Variants in NRXN1 observed in about 807,000 individuals in gnomAD.
NRXN1 encodes neurexin 1.
NRXN1 carries 39 observed loss-of-function variants against 150.9 expected under a neutral mutation model. That is an observed-to-expected ratio of 0.26 (90% CI 0.20 to 0.34). The LOEUF (loss-of-function observed/expected upper bound fraction) is 0.34. NRXN1 is among the 10% of genes least tolerant of loss of function. The pLI, the probability that NRXN1 is intolerant of heterozygous loss-of-function variation, is 1.00. For missense variants in NRXN1, 1,815 were observed against 1,949.9 expected (o/e 0.93, Z 1.30); for synonymous variants, 924 against 757.0 (o/e 1.22, Z -3.62).
intron 8 of NRXN1, among the ~76,000 whole-genome samples, chr2:50,586,168 T>G (rs2103726698): frequency 6.6e-6 from 1 of 152,262 alleles, no homozygotes; most frequent in South Asian, 2.1e-4. Context: ...CCCTCCAGGG[T>G]GTTTGCACTT....
chr2:50,118,773 T>G (rs1017140225), intron 18 of NRXN1, among the ~76,000 whole-genome samples: 2 of 152,192 alleles, frequency 1.3e-5, no homozygotes, highest in Admixed American at 1.3e-4. Flanking sequence ...CAGATTTAGC[T>G]GCCATCAGCT....
Position 50,346,409 on chromosome 2 carries a change from C to T in NRXN1, c.3365-109439G>A, listed in dbSNP as rs550986297. 6.6e-6 allele frequency among the ~76,000 whole-genome samples: 1 copy of T among 152,250 alleles called. No homozygotes were observed. The highest frequency in any genetic ancestry group is 2.1e-4 in the South Asian group (1 of 4,816). On this transcript the variant is annotated intron_variant, in intron 17 of 22. Transcript: ENST00000401669. The surrounding 1 kb of genome is among the most constrained non-coding windows in gnomAD (Gnocchi z 5.0). Reference sequence around the variant, plus strand: ...ACGCCCCCTTCCCGCGGGGCCCAGCCGCGCGACCAGGGCTGGTCCTTTAGT... The same window carrying T: ...ACGCCCCCTTCCCGCGGGGCCCAGCTGCGCGACCAGGGCTGGTCCTTTAGT...
intron 10 of NRXN1, among the ~76,000 whole-genome samples, chr2:50,532,719 T>C (rs1356463037): frequency 1.3e-5 from 2 of 151,906 alleles, no homozygotes; most frequent in Non-Finnish European, 2.9e-5. Context: ...ATGGCATCAG[T>C]AGGGAAGTTG....
intron 21 of NRXN1, among the ~76,000 whole-genome samples, chr2:49,995,637 C>T (rs955933323): frequency 4.0e-5 from 6 of 151,356 alleles, no homozygotes; most frequent in Admixed American, 6.6e-5. Context: ...AAAAATGAGC[C>T]GGGCGTGGTG....
chr2:49,984,720 C>CACACACAA (rs1680607943), intron 21 of NRXN1, among the ~76,000 whole-genome samples: 1 of 139,500 alleles, frequency 7.2e-6, no homozygotes, highest in African/African-American at 2.9e-5. Flanking sequence ...AACACACAAA[C>CACACACAA]ACACACACAC....
At chr2:50,930,665 T>G (rs915482025) in intron 2 of NRXN1, among the ~76,000 whole-genome samples, 1 of 152,162 alleles carries the variant, frequency 6.6e-6, no homozygotes, top group African/African-American at 2.4e-5. Flanking sequence ...ATTTCAATAG[T>G]TGGACTTAGG....
chr2:50,230,117 C>T (rs1019805457), intron 18 of NRXN1, among the ~76,000 whole-genome samples: 1 of 151,968 alleles, frequency 6.6e-6, no homozygotes, highest in Non-Finnish European at 1.5e-5. Flanking sequence ...AAAGAGATTC[C>T]GGAGACCTAA....
chr2:50,159,156 T>C (rs934714986), intron 18 of NRXN1, among the ~76,000 whole-genome samples: 5 of 152,128 alleles, frequency 3.3e-5, no homozygotes, highest in Admixed American at 2.0e-4. Context: ...AGGGCCAGAT[T>C]TGATAAGATC....
At chr2:50,457,356 C>T (rs61368593) in intron 17 of NRXN1, among the ~76,000 whole-genome samples, 1,587 of 152,174 alleles carry the variant, frequency 0.01, 27 homozygotes, top group African/African-American at 0.037. Context: ...ATTTCAGTTG[C>T]ATTATTATTG....
chr2:50,083,093 T>C (rs938948059), intron 19 of NRXN1, among the ~76,000 whole-genome samples: 2 of 152,192 alleles, frequency 1.3e-5, no homozygotes, highest in Non-Finnish European at 2.9e-5. Context: ...CTCTGTATGT[T>C]AGCTTCTACT....
In NRXN1 at chr2:50,252,027, C is replaced by G. The variant is rs997711229; in HGVS notation, c.3365-15057G>C. On this transcript the variant is annotated intron_variant, in intron 17 of 22. Coordinates refer to ENST00000401669, the MANE Select transcript of NRXN1 (RefSeq NM_001330078.2). ...TAGTTTCTTTTGCTGTGCAGAAGCT[C>G]TTTAGTTTAATTAGATCCCATTTGT... Among the ~76,000 whole-genome samples, 7 of 151,816 alleles carry G rather than the reference C, an allele frequency of 4.6e-5. No homozygotes were observed. The South Asian group carries it at 8.3e-4, about 18-fold the overall frequency.
At chr2:50,813,737 T>A (rs974942433) in intron 5 of NRXN1, among the ~76,000 whole-genome samples, 3 of 152,122 alleles carry the variant, frequency 2.0e-5, no homozygotes, top group Non-Finnish European at 2.9e-5. Flanking sequence ...GTCCTGAAAT[T>A]GGTTTTAATT....
Position 50,572,267 on chromosome 2 carries a change from G to T in NRXN1, c.1321-19242C>A, listed in dbSNP as rs1214290812. Among the ~76,000 whole-genome samples the T allele has an allele frequency of 2.0e-5, 3 of 152,124 alleles. No homozygotes were observed. The East Asian group carries it at 5.8e-4, about 29-fold the overall frequency. The stretch of plus-strand genomic sequence containing the variant: ...CATTTTCTAATGCTTAAAACATGAG[G>T]TCAATACCAGACAGGTGATAAATAT... On this transcript the variant is annotated intron_variant, in intron 8 of 22. Transcript: ENST00000401669.
chr2:50,109,363 A>G (rs772506913), intron 18 of NRXN1, among the ~76,000 whole-genome samples: 4 of 151,842 alleles, frequency 2.6e-5, no homozygotes, highest in Non-Finnish European at 4.4e-5. Flanking sequence ...TGCCTTCTCA[A>G]TTTTCTATAT....
In NRXN1 at chr2:50,347,027, C is replaced by A. The variant is rs1036727411; in HGVS notation, c.3365-110057G>T. The A allele has an allele frequency of 3.1e-5, 42 of 1,369,620 alleles. No individual in the cohort carries two copies. Among genetic ancestry groups the A allele is most frequent in the Non-Finnish European group, 3.7e-5 (39 of 1,052,864 alleles). The allele number at this position is 1,369,620 out of a possible 1,614,324, so 84.8% of individuals were successfully genotyped here. On this transcript the variant is annotated intron_variant, in intron 17 of 22. Coordinates refer to ENST00000401669, the MANE Select transcript of NRXN1 (RefSeq NM_001330078.2). This position sits in a 1 kb window ranked among gnomAD's most constrained non-coding sequence, Gnocchi z 4.9. ...GGGGAGAGGAGAGGGCGCAGGGGAG[C>A]GGGCGGCGCGGAGTGGGCTGAGGGG...
chr2:50,416,375 C>A (rs1328187270), intron 17 of NRXN1, among the ~76,000 whole-genome samples: 2 of 152,054 alleles, frequency 1.3e-5, no homozygotes, highest in Non-Finnish European at 2.9e-5. Flanking sequence ...GACTGCTGGC[C>A]TCTGTACCTA....
At chr2:50,301,876 G>A (rs1383165879) in intron 17 of NRXN1, among the ~76,000 whole-genome samples, 1 of 152,118 alleles carries the variant, frequency 6.6e-6, no homozygotes, top group Non-Finnish European at 1.5e-5. Flanking sequence ...ACAAATGAAT[G>A]AGACATTCTT....
At chr2:50,635,654 C>A (rs1216984623) in intron 5 of NRXN1, among the ~76,000 whole-genome samples, 1 of 152,070 alleles carries the variant, frequency 6.6e-6, no homozygotes, top group African/African-American at 2.4e-5. Flanking sequence ...TAGTTTCTTC[C>A]CTCAATTACT....
intron 5 of NRXN1, among the ~76,000 whole-genome samples, chr2:50,665,213 C>T (rs567033930): frequency 6.6e-6 from 1 of 152,016 alleles, no homozygotes; most frequent in African/African-American, 2.4e-5. Flanking sequence ...AGATCTACTA[C>T]TTTTCTACCA....
Sources: allele counts gnomAD v4.1 joint callset (sites outside exome capture counted in the v4.1 genomes callset), GRCh38; gene constraint gnomAD v4.1.1; non-coding constraint Gnocchi (gnomAD v3.1); transcripts MANE v1.5; gene names NCBI Gene and HGNC (gene_info 2026-07-23, HGNC 2026-07-21).